CLCN7: variants seen among roughly 807,000 people sequenced by gnomAD.
The protein encoded by CLCN7 is H(+)/Cl(-) exchange transporter 7.
A neutral mutation model predicts 102.1 loss-of-function variants in CLCN7; 60 were observed. The ratio of observed to expected loss-of-function variants is 0.59; its 90% CI spans 0.48 to 0.73. The LOEUF (loss-of-function observed/expected upper bound fraction) is 0.73, where lower values mean the gene tolerates loss of function less well. CLCN7 is among the 30% of genes least tolerant of loss of function. The pLI is 0.00. For missense variants in CLCN7, 962 were observed against 1,125.7 expected (o/e 0.85, Z 2.08); for synonymous variants, 560 against 490.5 (o/e 1.14, Z -1.87).
intron 14 of CLCN7, among the ~76,000 whole-genome samples, chr16:1,453,481 G>A (rs1419987775): frequency 1.3e-5 from 2 of 152,234 alleles, no homozygotes; most frequent in Non-Finnish European, 2.9e-5. Context: ...GAAGGAAGAA[G>A]CCGGGGGGCC....
chr16:1,475,013 T>A lies in CLCN7; in HGVS notation c.-39A>T. 1 of 1,413,638 alleles carries A rather than the reference T, an allele frequency of 7.1e-7. No homozygotes were observed. Among genetic ancestry groups the A allele is most frequent in the Non-Finnish European group, 9.3e-7 (1 of 1,080,674 alleles). 87.6% of individuals were successfully genotyped at this position (1,413,638 alleles called of 1,614,324 possible). A position where few individuals can be genotyped will look rare whatever the true frequency, so the allele number is the denominator to read the frequency against. ...GCGACACCGGCCGGGAAGCGCCGGC[T>A]GCCCCCGTGTTTGTTCTCGTGACCC... On this transcript the variant is annotated 5_prime_UTR_variant, in exon 1 of 25. Coordinates refer to ENST00000382745, the MANE Select transcript of CLCN7 (RefSeq NM_001287.6).
At chr16:1,451,157 T>C (rs1230472869) in intron 16 of CLCN7, among the ~76,000 whole-genome samples, 1 of 152,168 alleles carries the variant, frequency 6.6e-6, no homozygotes, top group Non-Finnish European at 1.5e-5. Context: ...GTGAAACACT[T>C]GTGGTCGAGC....
rs906636585 is a variant in CLCN7, at chr16:1,450,488, C to G, written c.1617+9G>C. ...AGGGCCCCACAGCCTCCCCTCCGGCCCCACTCACCGCCGCCCCCGTGAGGT... is the reference window on the plus strand; with the variant it reads ...AGGGCCCCACAGCCTCCCCTCCGGCGCCACTCACCGCCGCCCCCGTGAGGT... On this transcript the variant is annotated intron_variant, in intron 17 of 24. Transcript: ENST00000382745. 6.3e-7 allele frequency: 1 copy of G among 1,592,286 alleles called. No homozygotes were observed. The highest frequency in any genetic ancestry group is 1.3e-5 in the African/African-American group (1 of 74,648).
intron 17 of CLCN7, 58 bp downstream of exon 17, chr16:1,450,439 T>C (rs1596213522): frequency 6.7e-7 from 1 of 1,502,844 alleles, no homozygotes; most frequent in East Asian, 2.4e-5. Flanking sequence ...CGGCCCGCGA[T>C]GCCGCAAGAC....
Position 1,447,393 on chromosome 16 carries a change from T to A in CLCN7, c.2249A>T (p.Gln750Leu). ...FMNPSPYTVP[Q>L]EASLPRVFKL... is the part of the protein sequence containing the mutation. ...CCCATGCCCATGCCCTGCACATGCC[T>A]GGGGCACCGTGTAGGGGGAGGGGTT... Residue 750 changes from glutamine (Q) to leucine (L), a missense_variant and splice_region_variant, in exon 23 of 25, where the codon CAG becomes CTG. Physicochemically the swap from Gln to Leu is moderately radical, Grantham distance 113. This residue lies in a region of CLCN7 where 799 missense variants were observed against 988.0 expected (regional missense o/e 0.81). Coordinates refer to ENST00000382745, the MANE Select transcript of CLCN7 (RefSeq NM_001287.6). The A allele has an allele frequency of 6.5e-7, 1 of 1,547,904 alleles. No homozygotes were observed. Among genetic ancestry groups the A allele is most frequent in the Non-Finnish European group, 8.7e-7 (1 of 1,145,732 alleles).
chr16:1,474,893 C>A lies in CLCN7; in HGVS notation c.82G>T (p.Ala28Ser). 1 of 1,456,662 alleles carries A rather than the reference C, an allele frequency of 6.9e-7. No individual in the cohort carries two copies. 90.2% of individuals were successfully genotyped at this position (1,456,662 alleles called of 1,614,324 possible). A position where few individuals can be genotyped will look rare whatever the true frequency, so the allele number is the denominator to read the frequency against. The change falls in exon 1 of 25, where the codon GCG (alanine) becomes TCG (serine). Residue 28 changes from alanine to serine, a missense_variant. Coordinates refer to ENST00000382745, the MANE Select transcript of CLCN7 (RefSeq NM_001287.6). ...AGCGGCGTCCCCCCGCCGGGCCGCG[C>A]CGTCCTCCGCAGCAGCGGCGCCGCC... ...EEAAPLLRRT[A>S]RPGGGTPLLN...
intron 3 of CLCN7, 27 bp downstream of exon 3, chr16:1,461,576 G>A (rs763807326): frequency 1.2e-6 from 2 of 1,612,902 alleles, no homozygotes; most frequent in Non-Finnish European, 1.7e-6. Flanking sequence ...CCGGGTCTCA[G>A]GGTCAGGGGG....
At chr16:1,452,446 C>T in intron 15 of CLCN7, 1 of 428,056 alleles carries the variant, frequency 2.3e-6, no homozygotes, top group African/African-American at 2.0e-5. Flanking sequence ...TGCATTTCTC[C>T]TGGGTCCACA....
chr16:1,458,838 G>A (rs755107663), intron 7 of CLCN7, among the ~76,000 whole-genome samples: 2 of 152,190 alleles, frequency 1.3e-5, no homozygotes, highest in African/African-American at 2.4e-5. Context: ...TCACAGACGC[G>A]TCGCACAGCT....
chr16:1,452,505 A>T (rs1177704550), intron 15 of CLCN7: 2 of 545,470 alleles, frequency 3.7e-6, no homozygotes, highest in Non-Finnish European at 6.6e-6. Context: ...TCAGGCTGCC[A>T]TTCTGGGAAG....
chr16:1,463,948 T>C (rs936954929), intron 2 of CLCN7, among the ~76,000 whole-genome samples: 1 of 152,176 alleles, frequency 6.6e-6, no homozygotes, highest in African/African-American at 2.4e-5. Flanking sequence ...CTAATATTTA[T>C]ATTTTTTGTA....
chr16:1,458,287 C>A (rs375673300), intron 7 of CLCN7, among the ~76,000 whole-genome samples: 1 of 152,246 alleles, frequency 6.6e-6, no homozygotes, highest in Non-Finnish European at 1.5e-5. Flanking sequence ...CCCACAAGGG[C>A]GCAGACCCTA....
intron 14 of CLCN7, 96 bp from the exon 15 acceptor site, chr16:1,452,989 G>C: frequency 6.7e-7 from 1 of 1,485,746 alleles, no homozygotes; most frequent in Admixed American, 2.0e-5. Flanking sequence ...AGGACACTGG[G>C]CCCGTGGTGC....
At chr16:1,446,901 G>A (rs996445582) in intron 24 of CLCN7, 105 bp downstream of exon 24, 7 of 1,211,962 alleles carry the variant, frequency 5.8e-6, no homozygotes, top group Non-Finnish European at 7.1e-6. Context: ...CTCGGTGCTG[G>A]GTCCTGTGCT....
chr16:1,468,826 G>A (rs113432474), intron 1 of CLCN7, among the ~76,000 whole-genome samples: 1,737 of 152,240 alleles, frequency 0.011, 44 homozygotes, highest in African/African-American at 0.039. Flanking sequence ...ACATTGGGGG[G>A]AAACTCGGTG....
Position 1,445,873 on chromosome 16 carries a change from G to A in CLCN7, c.*758C>T. The A allele has an allele frequency of 5.1e-6, 1 of 194,718 alleles. No individual in the cohort carries two copies. The highest frequency in any genetic ancestry group is 1.1e-4 in the South Asian group (1 of 8,736). 12.1% of individuals were successfully genotyped at this position (194,718 alleles called of 1,614,324 possible). On this transcript the variant is annotated 3_prime_UTR_variant, in exon 25 of 25. Transcript: ENST00000382745. The stretch of plus-strand genomic sequence containing the variant: ...GGGACCAAGGCAGGGCTGGGTGTGG[G>A]GCCCAGACTCCAAGCTCTGGGGGTT...
Position 1,457,703 on chromosome 16 carries a change from G to T in CLCN7, c.729C>A (p.Ala243=), listed in dbSNP as rs542484303. ...ATGTGCACTTTGTTACCTTTCCCAC[G>T]GCCAGGCCCCCGACCACGGACAGGA... is the stretch of plus-strand genomic sequence containing the variant. The part of the protein sequence containing the change: ...GVILSVVGGL[A]VGKEGPMIHS... Residue 243 remains alanine, a synonymous_variant, in exon 8 of 25, where the codon GCC becomes GCA. Coordinates refer to ENST00000382745, the MANE Select transcript of CLCN7 (RefSeq NM_001287.6). The surrounding 1 kb of genome is among the most constrained non-coding windows in gnomAD (Gnocchi z 5.4). The T allele has an allele frequency of 2.5e-6, 4 of 1,613,776 alleles. No homozygotes were observed. The highest frequency in any genetic ancestry group is 2.7e-5 in the African/African-American group (2 of 75,060).
At chr16:1,449,196 C>T in intron 18 of CLCN7, 80 bp downstream of exon 18, 1 of 1,577,938 alleles carries the variant, frequency 6.3e-7, no homozygotes, top group South Asian at 1.1e-5. Context: ...TGCTCCCAGA[C>T]CCTAGCCCCG....
rs781233868 is a variant in CLCN7 at position 1,453,909 on chromosome 16, AAGGCCAGTCAGCG to A, written c.1154-28_1154-16del. On this transcript the variant is annotated splice_polypyrimidine_tract_variant and intron_variant, in intron 13 of 24. Transcript: ENST00000382745. ...AAGCACACCGCCTGCGAACAGGGGA[AAGGCCAGTCAGCG>A]ACACCGGAGGAAAAGTGCGGGCCTC... The A allele has an allele frequency of 6.2e-7, 1 of 1,612,898 alleles. No individual in the cohort carries two copies. Among genetic ancestry groups the A allele is most frequent in the African/African-American group, 1.3e-5 (1 of 75,062 alleles).
Sources: gnomAD v4.1 joint callset for allele counts (sites outside exome capture counted in the v4.1 genomes callset) on GRCh38, gnomAD v4.1.1 for gene constraint, gnomAD v4.1.1 regional missense constraint, Gnocchi (gnomAD v3.1) non-coding constraint, MANE v1.5 for transcripts, NCBI Gene and HGNC (gene_info 2026-07-23, HGNC 2026-07-21) for gene names.